The following TENM3 variants were observed in gnomAD, a reference collection of about 807,000 sequenced individuals.
The protein encoded by TENM3 is teneurin transmembrane protein 3.
In TENM3, 63 loss-of-function variants were observed where a neutral mutation model predicts 255.1. That is an observed-to-expected ratio of 0.25 (90% CI 0.20 to 0.30). The LOEUF (loss-of-function observed/expected upper bound fraction) is 0.30, where lower values mean the gene tolerates loss of function less well. Ranked by LOEUF, TENM3 falls within the 10% of genes least tolerant of loss-of-function variation. TENM3 has a pLI of 1.00. For missense variants in TENM3, 2,929 were observed against 3,461.1 expected (o/e 0.85, Z 3.86); for synonymous variants, 1,306 against 1,322.3 (o/e 0.99, Z 0.27).
At chr4:181,563,248 T>C in the TENM3 span, among the ~76,000 whole-genome samples, 123 of 152,280 alleles carry the variant, frequency 8.1e-4, 3 homozygotes, top group East Asian at 0.02. Flanking sequence ...CAGTCCCTCC[T>C]CAGCTTCTGG....
chr4:182,577,740 T>C (rs947081514), intron 3 of TENM3, among the ~76,000 whole-genome samples: 2 of 152,182 alleles, frequency 1.3e-5, no homozygotes, highest in African/African-American at 4.8e-5. Context: ...TCTATGGTTT[T>C]CATGCACATA....
In TENM3 at chr4:182,755,201, G is replaced by A. The variant is rs543733302; in HGVS notation, c.4834G>A (p.Gly1612Ser). ...GLELVLFTYH[G>S]NSGLLATKSD... ...GGAATTAGTTTTGTTTACTTACCAT[G>A]GCAATAGTGGCCTTTTAGCCACTAA... The change falls in exon 22 of 28, where the codon GGC becomes AGC. Residue 1612 changes from glycine to serine, a missense_variant. By Grantham distance (56) the Gly-to-Ser change is moderately conservative (BLOSUM62 0). Transcript: ENST00000511685. The A allele has an allele frequency of 1.2e-4, 190 of 1,611,968 alleles. 3 individuals carry two copies. The South Asian group carries it at 1.7e-3, about 15-fold the overall frequency.
At chr4:182,671,202 T>G (rs1755184824) in intron 6 of TENM3, among the ~76,000 whole-genome samples, 1 of 152,140 alleles carries the variant, frequency 6.6e-6, no homozygotes, top group Admixed American at 6.6e-5. Context: ...GGTGCAATCA[T>G]TATGTTACTC....
intron 22 of TENM3, among the ~76,000 whole-genome samples, chr4:182,757,652 A>T (rs1762838238): frequency 6.6e-6 from 1 of 152,196 alleles, no homozygotes; most frequent in African/African-American, 2.4e-5. Context: ...CCTTTTAAAG[A>T]AATGATAGTG....
the TENM3 span, among the ~76,000 whole-genome samples, chr4:181,719,688 G>A: frequency 6.6e-6 from 1 of 152,064 alleles, no homozygotes. Context: ...TATGAATTTG[G>A]GGGGATTCAA....
the TENM3 span, among the ~76,000 whole-genome samples, chr4:181,867,197 TCA>T: frequency 6.6e-6 from 1 of 152,188 alleles, no homozygotes; most frequent in African/African-American, 2.4e-5. Context: ...ATCGCTACTC[TCA>T]CAGTTTCACC....
the TENM3 span, among the ~76,000 whole-genome samples, chr4:181,869,113 A>G: frequency 1.3e-5 from 2 of 152,144 alleles, no homozygotes; most frequent in African/African-American, 4.8e-5. Context: ...TTCATAAAAA[A>G]TAATTTCTCA....
chr4:182,131,781 T>G, the TENM3 span, among the ~76,000 whole-genome samples: 2 of 152,228 alleles, frequency 1.3e-5, no homozygotes, highest in Admixed American at 1.3e-4. Context: ...ATTATTGTTT[T>G]GCAACCACAC....
chr4:181,995,301 A>G, the TENM3 span, among the ~76,000 whole-genome samples: 5 of 152,098 alleles, frequency 3.3e-5, no homozygotes, highest in Admixed American at 6.5e-5. Flanking sequence ...AACAAAAAAA[A>G]AAAGAAAGAA....
intron 6 of TENM3, among the ~76,000 whole-genome samples, chr4:182,670,001 G>A (rs1425879643): frequency 2.6e-5 from 4 of 152,138 alleles, no homozygotes; most frequent in African/African-American, 9.7e-5. Flanking sequence ...ACAAATGTAG[G>A]TTCCTTTGCA....
chr4:182,618,954 G>C (rs952937502), intron 4 of TENM3, among the ~76,000 whole-genome samples: 32 of 151,804 alleles, frequency 2.1e-4, no homozygotes, highest in African/African-American at 6.8e-4. Context: ...GGTGGGGGTT[G>C]GGAGCAGGAA....
At chr4:181,976,871 C>A in the TENM3 span, among the ~76,000 whole-genome samples, 69 of 152,274 alleles carry the variant, frequency 4.5e-4, no homozygotes, top group African/African-American at 1.6e-3. Flanking sequence ...AAGGAACCGA[C>A]AAATGTGATT....
the TENM3 span, among the ~76,000 whole-genome samples, chr4:181,862,238 C>T: frequency 2.0e-4 from 30 of 152,172 alleles, no homozygotes; most frequent in East Asian, 5.8e-4. Context: ...AGCGCACACA[C>T]ACACACTTTT....
the TENM3 span, among the ~76,000 whole-genome samples, chr4:181,841,971 T>C: frequency 6.6e-6 from 1 of 152,304 alleles, no homozygotes. Flanking sequence ...CCTTGACTTA[T>C]CATATTCCAT....
At chr4:181,464,166 C>A in the TENM3 span, among the ~76,000 whole-genome samples, 2 of 152,018 alleles carry the variant, frequency 1.3e-5, no homozygotes, top group African/African-American at 2.4e-5. Flanking sequence ...AGATATATGT[C>A]CAGAAGCAGA....
intron 1 of TENM3, among the ~76,000 whole-genome samples, chr4:182,323,509 A>G (rs2150499890): frequency 6.6e-6 from 1 of 152,286 alleles, no homozygotes; most frequent in East Asian, 1.9e-4. Flanking sequence ...GAATACATTG[A>G]AAAAGAAAAA....
chr4:182,490,640 G>A (rs1335011607), intron 3 of TENM3, among the ~76,000 whole-genome samples: 6 of 152,256 alleles, frequency 3.9e-5, no homozygotes, highest in South Asian at 2.1e-4. Context: ...AAAATACCCC[G>A]TTATCTATGT....
intron 10 of TENM3, among the ~76,000 whole-genome samples, chr4:182,681,460 C>G (rs372482933): frequency 9.9e-5 from 15 of 152,280 alleles, no homozygotes; most frequent in African/African-American, 3.1e-4. Context: ...GGATCCCATA[C>G]AGCTGTCAGT....
chr4:182,005,691 C>T, the TENM3 span, among the ~76,000 whole-genome samples: 4 of 152,160 alleles, frequency 2.6e-5, no homozygotes, highest in Admixed American at 6.5e-5. Context: ...TTGATTCTTC[C>T]TATCCCTGAG....
Sources: gnomAD v4.1 joint callset for allele counts (sites outside exome capture counted in the v4.1 genomes callset) on GRCh38, gnomAD v4.1.1 for gene constraint, MANE v1.5 for transcripts, NCBI Gene and HGNC (gene_info 2026-07-23, HGNC 2026-07-21) for gene names.